B3GAT1: variants seen among roughly 807,000 people sequenced by gnomAD.
The protein encoded by B3GAT1 is galactosylgalactosylxylosylprotein 3-beta-glucuronosyltransferase 1.
Under a neutral mutation model 28.4 loss-of-function variants are expected in B3GAT1, and 11 were observed. That is an observed-to-expected ratio of 0.39 (90% CI 0.24 to 0.64). B3GAT1 has a LOEUF of 0.64. Ranked by LOEUF, B3GAT1 falls within the 30% of genes least tolerant of loss-of-function variation. The pLI, the probability that B3GAT1 is intolerant of heterozygous loss-of-function variation, is 0.50. For synonymous variants in B3GAT1, 255 were observed against 223.1 expected, an observed-to-expected ratio of 1.14 and a Z score of -1.27; for missense variants, 375 against 491.0, an observed-to-expected ratio of 0.76 and a Z score of 2.23.
rs763700916 is a variant in B3GAT1, at chr11:134,383,716, G to A, written c.585C>T (p.Asp195=). The change falls in exon 3 of 6, where the codon GAC becomes GAT. Residue 195 remains aspartate (D), a synonymous_variant. Transcript: ENST00000312527. Reference sequence around the variant, plus strand: ...GCTCCAGGCTGTAGGTGTTGTCGTCGTCGGCGAAGTAGACCACGCCAGGCT... The same window carrying A: ...GCTCCAGGCTGTAGGTGTTGTCGTCATCGGCGAAGTAGACCACGCCAGGCT... The part of the protein sequence containing the change: ...SSQPGVVYFA[D]DDNTYSLELF... 1.3e-6 allele frequency: 2 copies of A among 1,590,390 alleles called. No individual in the cohort carries two copies. Among genetic ancestry groups the A allele is most frequent in the Admixed American group, 1.7e-5 (1 of 58,510 alleles).
At chr11:134,385,973 C>T (rs994635392) in intron 2 of B3GAT1, 1 of 152,228 alleles carries the variant, frequency 6.6e-6, no homozygotes, top group Non-Finnish European at 1.5e-5. Context: ...AGAACGCAAT[C>T]GACACGATAT....
chr11:134,384,449 A>C, intron 2 of B3GAT1: 1 of 486,790 alleles, frequency 2.1e-6, no homozygotes, highest in East Asian at 3.2e-5. Flanking sequence ...ATTTGAGCGC[A>C]GTTGCCCATA....
intron 1 of B3GAT1, among the ~76,000 whole-genome samples, chr11:134,394,273 A>G (rs1591642723): frequency 6.6e-6 from 1 of 152,218 alleles, no homozygotes; most frequent in South Asian, 2.1e-4. Context: ...CGATGTTCAG[A>G]GCAGCCACAG....
chr11:134,404,638 T>C (rs975434520), intron 1 of B3GAT1, among the ~76,000 whole-genome samples: 1 of 152,114 alleles, frequency 6.6e-6, no homozygotes, highest in South Asian at 2.1e-4. Flanking sequence ...GCACCAGGTA[T>C]GCCTGCGGGA....
rs769737442 is a variant in B3GAT1, at chr11:134,382,882, C to T, written c.746G>A (p.Arg249Gln). The T allele has an allele frequency of 3.7e-6, 6 of 1,614,100 alleles. No individual in the cohort carries two copies. The highest frequency in any genetic ancestry group is 5.1e-6 in the Non-Finnish European group (6 of 1,180,006). The change falls in exon 4 of 6, where the codon CGG (arginine) becomes CAG (glutamine). Residue 249 changes from arginine (R) to glutamine (Q), a missense_variant. Physicochemically the swap from Arg to Gln is conservative, Grantham distance 43. Coordinates refer to ENST00000312527, the MANE Select transcript of B3GAT1 (RefSeq NM_054025.3). ...TCCAGCCATGTCTATTGCAAATGGC[C>T]GGTGGGGGTCAAACACCGTCTTCCA... ...VGWKTVFDPHRPFAIDMAGFA... is the reference protein window; with the variant it reads ...VGWKTVFDPHQPFAIDMAGFA...
At chr11:134,384,295 T>C (rs1023578235) in intron 2 of B3GAT1, 107 bp from the exon 3 acceptor site, 37 of 1,369,200 alleles carry the variant, frequency 2.7e-5, no homozygotes, top group Non-Finnish European at 2.7e-5. Flanking sequence ...CCTCCCCCGC[T>C]GCAGGGGCTG....
At chr11:134,383,062 G>A (rs1370872848) in intron 3 of B3GAT1, 56 bp from the exon 4 acceptor site, 24 of 1,475,432 alleles carry the variant, frequency 1.6e-5, no homozygotes, top group South Asian at 1.2e-4. Flanking sequence ...GGACGGCCGC[G>A]CGTGCCCAAG....
At chr11:134,394,343 G>A (rs1305422866) in intron 1 of B3GAT1, among the ~76,000 whole-genome samples, 5 of 152,356 alleles carry the variant, frequency 3.3e-5, no homozygotes, top group African/African-American at 1.2e-4. Context: ...AAAGCTCAGA[G>A]AACCTGAGTG....
intron 1 of B3GAT1, among the ~76,000 whole-genome samples, chr11:134,397,536 G>A (rs1179379555): frequency 6.6e-6 from 1 of 151,936 alleles, no homozygotes; most frequent in South Asian, 2.1e-4. Context: ...AGAGCCACAG[G>A]GGGGGCCAGA....
chr11:134,411,326 C>T lies in B3GAT1; in HGVS notation c.-282+481G>A, dbSNP rs7109198. 0.093 allele frequency among the ~76,000 whole-genome samples: 14,166 copies of T among 152,108 alleles called. 1,434 individuals carry two copies. Among genetic ancestry groups the T allele is most frequent in the African/African-American group, 0.25 (10,449 of 41,434 alleles). ...CTTGCTACCCCTGGGTCCCTCAGCG[C>T]GCCCCGCAGAGCTCGGGCCCCCTCA... is the stretch of plus-strand genomic sequence containing the variant. On this transcript the variant is annotated intron_variant, in intron 1 of 5. Transcript: ENST00000312527. The surrounding 1 kb of genome is among the most constrained non-coding windows in gnomAD (Gnocchi z 6.0).
At chr11:134,410,677 A>G (rs1321561091) in intron 1 of B3GAT1, among the ~76,000 whole-genome samples, 1 of 152,254 alleles carries the variant, frequency 6.6e-6, no homozygotes, top group African/African-American at 2.4e-5. Context: ...ACATAAGCAC[A>G]GAAGACAAAT....
At chr11:134,403,486 C>A (rs1306133757) in intron 1 of B3GAT1, among the ~76,000 whole-genome samples, 1 of 152,164 alleles carries the variant, frequency 6.6e-6, no homozygotes, top group Non-Finnish European at 1.5e-5. Flanking sequence ...AGGAAGGGAG[C>A]CCCAGAGGCC....
chr11:134,396,228 A>G (rs1944502945), intron 1 of B3GAT1, among the ~76,000 whole-genome samples: 1 of 152,206 alleles, frequency 6.6e-6, no homozygotes, highest in African/African-American at 2.4e-5. Flanking sequence ...GACTGCACGA[A>G]GGCATGAGCA....
Position 134,382,698 on chromosome 11 carries a change from G to T in B3GAT1, c.918+12C>A. 1 of 1,607,616 alleles carries T rather than the reference G, an allele frequency of 6.2e-7. No homozygotes were observed. Among genetic ancestry groups the T allele is most frequent in the South Asian group, 1.1e-5 (1 of 90,608 alleles). On this transcript the variant is annotated intron_variant, in intron 4 of 5. Coordinates refer to ENST00000312527, the MANE Select transcript of B3GAT1 (RefSeq NM_054025.3). ...ATTGCATCACAGCTGTCAGTTCTGC[G>T]GAGGGTCTCACCTTGGTGCAGTTGG... is the stretch of plus-strand genomic sequence containing the variant.
intron 5 of B3GAT1, among the ~76,000 whole-genome samples, chr11:134,381,263 G>A (rs549421973): frequency 1.3e-5 from 2 of 152,302 alleles, no homozygotes; most frequent in African/African-American, 2.4e-5. Flanking sequence ...TGAAGTGTAG[G>A]TGGATCCTGT....
intron 1 of B3GAT1, among the ~76,000 whole-genome samples, chr11:134,407,978 T>TC (rs1217272925): frequency 2.0e-5 from 3 of 152,134 alleles, no homozygotes; most frequent in African/African-American, 7.2e-5. Flanking sequence ...CAAGATTTTT[T>TC]TTTTTAGACG....
intron 2 of B3GAT1, chr11:134,384,590 G>C (rs557867579): frequency 1.5e-5 from 3 of 193,756 alleles, no homozygotes; most frequent in Admixed American, 1.1e-4. Flanking sequence ...TGGGCTAGCA[G>C]AGCACGTGGC....
chr11:134,404,247 A>G (rs1944686171), intron 1 of B3GAT1, among the ~76,000 whole-genome samples: 1 of 150,758 alleles, frequency 6.6e-6, no homozygotes, highest in East Asian at 2.0e-4. Flanking sequence ...TTCAATTCCC[A>G]CCTATGAGTG....
At chr11:134,395,803 A>T (rs1322844077) in intron 1 of B3GAT1, among the ~76,000 whole-genome samples, 1 of 152,106 alleles carries the variant, frequency 6.6e-6, no homozygotes, top group Admixed American at 6.5e-5. Flanking sequence ...ATTCCTACAC[A>T]CTTGGCAGAG....
Sources: allele counts gnomAD v4.1 joint callset (sites outside exome capture counted in the v4.1 genomes callset), GRCh38; gene constraint gnomAD v4.1.1; non-coding constraint Gnocchi (gnomAD v3.1); transcripts MANE v1.5; gene names NCBI Gene and HGNC (gene_info 2026-07-23, HGNC 2026-07-21).